The following ABI3 variants were observed in gnomAD, a reference collection of about 807,000 sequenced individuals.
The protein encoded by ABI3 is ABI family member 3.
ABI3 carries 24 observed loss-of-function variants against 37.0 expected under a neutral mutation model. The ratio of observed to expected loss-of-function variants is 0.65; its 90% CI spans 0.47 to 0.91. ABI3 has a LOEUF of 0.91. Among genes scored for constraint, ABI3 ranks in the 40% least tolerant of loss-of-function variants. ABI3 has a pLI of 0.00. For synonymous variants in ABI3, 220 were observed against 211.8 expected, an observed-to-expected ratio of 1.04 and a Z score of -0.34; for missense variants, 481 against 485.1, an observed-to-expected ratio of 0.99 and a Z score of 0.08.
intron 1 of ABI3, among the ~76,000 whole-genome samples, chr17:49,215,219 C>T (rs1416132086): frequency 6.6e-6 from 1 of 152,074 alleles, no homozygotes; most frequent in East Asian, 1.9e-4. Flanking sequence ...TGTTCAGGAA[C>T]AGAAGCCCAA....
rs112988210 is a variant in ABI3, at chr17:49,219,370, G to T, written c.463-170G>T. Among the ~76,000 whole-genome samples, 3 of 152,188 alleles carry T rather than the reference G, an allele frequency of 2.0e-5. No homozygotes were observed. The highest frequency in any genetic ancestry group is 4.4e-5 in the Non-Finnish European group (3 of 68,014). On this transcript the variant is annotated intron_variant, in intron 3 of 7. Transcript: ENST00000225941. This position sits in a 1 kb window ranked among gnomAD's most constrained non-coding sequence, Gnocchi z 4.3. ...CCAGAACCCAGGCAATGACAAGGGGGTGGGGTGGGGGAAGTGTAGGAGAGG... is the reference window on the plus strand; with the variant it reads ...CCAGAACCCAGGCAATGACAAGGGGTTGGGGTGGGGGAAGTGTAGGAGAGG...
In ABI3 at chr17:49,219,812, A is replaced by G; in HGVS notation, c.549-46A>G. The G allele has an allele frequency of 6.6e-7, 1 of 1,524,686 alleles. No homozygotes were observed. Among genetic ancestry groups the G allele is most frequent in the Non-Finnish European group, 8.8e-7 (1 of 1,134,654 alleles). The allele number at this position is 1,524,686 out of a possible 1,614,324, so 94.4% of individuals were successfully genotyped here. ...CTCGCACCCGACCCCTGCTGGCCAG[A>G]AGCCTTCCTCCTTCCTCCTAATACC... On this transcript the variant is annotated intron_variant, in intron 4 of 7. Transcript: ENST00000225941. The surrounding 1 kb of genome is among the most constrained non-coding windows in gnomAD (Gnocchi z 4.3).
In ABI3 at chr17:49,219,981, G is replaced by A. The variant is rs752960723; in HGVS notation, c.644+28G>A. ...GAGACCTACAAGCCCACGTGGGTGGGTGGGGGGTGGGAAGTGGCTTTTGAG... is the reference window on the plus strand; with the variant it reads ...GAGACCTACAAGCCCACGTGGGTGGATGGGGGGTGGGAAGTGGCTTTTGAG... On this transcript the variant is annotated intron_variant, in intron 5 of 7. Transcript: ENST00000225941. This position sits in a 1 kb window ranked among gnomAD's most constrained non-coding sequence, Gnocchi z 4.3. The A allele has an allele frequency of 1.3e-5, 14 of 1,103,534 alleles. No homozygotes were observed. Among genetic ancestry groups the A allele is most frequent in the Non-Finnish European group, 1.9e-5 (14 of 749,924 alleles). 68.4% of individuals were successfully genotyped at this position (1,103,534 alleles called of 1,614,324 possible).
chr17:49,222,635 T>C lies in ABI3; in HGVS notation c.1021T>C (p.Tyr341His). 4 of 1,613,928 alleles carry C rather than the reference T, an allele frequency of 2.5e-6. No homozygotes were observed. Among genetic ancestry groups the C allele is most frequent in the Non-Finnish European group, 3.4e-6 (4 of 1,179,970 alleles). The change falls in exon 8 of 8, where the codon TAC becomes CAC. Residue 341 changes from tyrosine to histidine, a missense_variant. Coordinates refer to ENST00000225941, the MANE Select transcript of ABI3 (RefSeq NM_016428.3). The part of the protein sequence containing the change: ...EGTVICVTRR[Y>H]SDGWCEGVSS... The stretch of plus-strand genomic sequence containing the variant: ...CACTGTCATCTGTGTCACTCGCCGC[T>C]ACTCCGATGGCTGGTGCGAGGGCGT...
chr17:49,222,048 G>T (rs202234071), intron 6 of ABI3, 43 bp from the exon 7 acceptor site: 26 of 1,532,078 alleles, frequency 1.7e-5, no homozygotes, highest in Non-Finnish European at 8.8e-7. Context: ...CACTGAAGGA[G>T]CTTCCTGTGC....
At chr17:49,216,763 C>G (rs2043223318) in intron 2 of ABI3, 65 bp downstream of exon 2, 1 of 1,339,928 alleles carries the variant, frequency 7.5e-7, no homozygotes. Flanking sequence ...CCGACTCAGA[C>G]ATTTTCTACA....
At chr17:49,215,377 T>C (rs974195708) in intron 1 of ABI3, among the ~76,000 whole-genome samples, 1 of 152,152 alleles carries the variant, frequency 6.6e-6, no homozygotes, top group Non-Finnish European at 1.5e-5. Context: ...CCTCAGGGTA[T>C]TGGAAAGCTA....
chr17:49,222,049 C>G, intron 6 of ABI3, 42 bp from the exon 7 acceptor site: 1 of 1,534,652 alleles, frequency 6.5e-7, no homozygotes, highest in African/African-American at 1.4e-5. Context: ...ACTGAAGGAG[C>G]TTCCTGTGCC....
intron 6 of ABI3, among the ~76,000 whole-genome samples, chr17:49,221,578 C>T (rs1238586944): frequency 6.6e-6 from 1 of 152,158 alleles, no homozygotes; most frequent in African/African-American, 2.4e-5. Context: ...CAAGAGCCAC[C>T]CAGCTAATAA....
chr17:49,215,648 C>T (rs929148520), intron 1 of ABI3, among the ~76,000 whole-genome samples: 27 of 152,142 alleles, frequency 1.8e-4, no homozygotes, highest in Admixed American at 1.4e-3. Context: ...CAGGCAGGCA[C>T]CACCATGCCT....
intron 1 of ABI3, among the ~76,000 whole-genome samples, chr17:49,214,270 G>A (rs2043198974): frequency 6.6e-6 from 1 of 152,134 alleles, no homozygotes; most frequent in African/African-American, 2.4e-5. Flanking sequence ...ATTCACCCTG[G>A]ACTTGCCCCC....
chr17:49,211,270 G>GA (rs1223740399), intron 1 of ABI3, among the ~76,000 whole-genome samples: 1 of 152,202 alleles, frequency 6.6e-6, no homozygotes, highest in Non-Finnish European at 1.5e-5. Flanking sequence ...ATGGACAAGG[G>GA]AAAGGGGCTC....
intron 3 of ABI3, among the ~76,000 whole-genome samples, chr17:49,218,608 A>ATTCTTTTTTTTTT (rs57445695): frequency 4.1e-5 from 6 of 146,148 alleles, no homozygotes; most frequent in African/African-American, 1.5e-4. Context: ...TCCAACTTAT[A>ATTCTTTTTTTTTT]TTTTTTTTTT....
intron 7 of ABI3, 82 bp from the exon 8 acceptor site, chr17:49,222,470 C>T (rs1221674744): frequency 3.3e-5 from 50 of 1,532,496 alleles, no homozygotes; most frequent in East Asian, 4.5e-5. Context: ...TACTTGAGAC[C>T]GTGCATCCCC....
intron 6 of ABI3, among the ~76,000 whole-genome samples, chr17:49,221,426 G>A (rs908947641): frequency 5.9e-5 from 9 of 151,622 alleles, no homozygotes; most frequent in Non-Finnish European, 8.8e-5. Flanking sequence ...AGCCGAGATC[G>A]TGCCACTGCA....
rs2043304775 is a variant in ABI3, at chr17:49,222,617, A to G, written c.1003A>G (p.Ile335Val). The change falls in exon 8 of 8, where the codon ATC (isoleucine) becomes GTC (valine). Residue 335 changes from isoleucine to valine, a missense_variant. Ile to Val is a conservative substitution (Grantham distance 29). Coordinates refer to ENST00000225941, the MANE Select transcript of ABI3 (RefSeq NM_016428.3). ...NELSFSEGTV[I>V]CVTRRYSDGW... ...GCTCTCCTTCTCTGAGGGCACTGTC[A>G]TCTGTGTCACTCGCCGCTACTCCGA... 1 of 1,614,036 alleles carries G rather than the reference A, an allele frequency of 6.2e-7. No individual in the cohort carries two copies. The highest frequency in any genetic ancestry group is 1.1e-5 in the South Asian group (1 of 91,082).
chr17:49,216,519 T>A lies in ABI3; in HGVS notation c.118-12T>A. 6.4e-7 allele frequency: 1 copy of A among 1,554,678 alleles called. No individual in the cohort carries two copies. The highest frequency in any genetic ancestry group is 8.7e-7 in the Non-Finnish European group (1 of 1,149,038). ...GATGCTGGCCCTTAGGCCAGGGCTG[T>A]GTGTATTTCAGGCCACAGACAAGCG... is the stretch of plus-strand genomic sequence containing the variant. On this transcript the variant is annotated splice_polypyrimidine_tract_variant and intron_variant, in intron 1 of 7. Coordinates refer to ENST00000225941, the MANE Select transcript of ABI3 (RefSeq NM_016428.3).
chr17:49,213,537 A>G (rs552728663), intron 1 of ABI3, among the ~76,000 whole-genome samples: 16 of 152,324 alleles, frequency 1.1e-4, no homozygotes, highest in African/African-American at 3.6e-4. Flanking sequence ...TAGGGAAGGC[A>G]GACCAGGGTC....
intron 7 of ABI3, 80 bp from the exon 8 acceptor site, chr17:49,222,470 CGT>C (rs2043301840): frequency 6.5e-7 from 1 of 1,532,496 alleles, no homozygotes; most frequent in Non-Finnish European, 8.9e-7. Flanking sequence ...TACTTGAGAC[CGT>C]GCATCCCCAT....
Sources: allele counts gnomAD v4.1 joint callset (sites outside exome capture counted in the v4.1 genomes callset), GRCh38; gene constraint gnomAD v4.1.1; non-coding constraint Gnocchi (gnomAD v3.1); transcripts MANE v1.5; gene names NCBI Gene and HGNC (gene_info 2026-07-23, HGNC 2026-07-21).